Variants in UBE2R2 observed in about 807,000 individuals in gnomAD.
The protein encoded by UBE2R2 is ubiquitin-conjugating enzyme E2 R2.
In UBE2R2, 1 loss-of-function variant was observed where a neutral mutation model predicts 27.8. That is an observed-to-expected ratio of 0.04 (90% CI 0.01 to 0.17). UBE2R2 has a LOEUF of 0.17. Ranked by LOEUF, UBE2R2 falls within the 10% of genes least tolerant of loss-of-function variation. UBE2R2 has a pLI of 1.00. For synonymous variants in UBE2R2, 106 were observed against 113.3 expected (o/e 0.94, Z 0.41); for missense variants, 100 against 291.0 (o/e 0.34, Z 4.78).
At chr9:33,879,953 A>AC in intron 1 of UBE2R2, among the ~76,000 whole-genome samples, 1 of 151,062 alleles carries the variant, frequency 6.6e-6, no homozygotes, top group African/African-American at 2.4e-5. Context: ...CAAGGTTATG[A>AC]TTCACTGCAG....
chr9:33,866,244 T>C (rs1372741339), intron 1 of UBE2R2, among the ~76,000 whole-genome samples: 1 of 147,912 alleles, frequency 6.8e-6, no homozygotes, highest in Non-Finnish European at 1.5e-5. Flanking sequence ...GTAATTAACT[T>C]TTTTTTTTTT....
intron 1 of UBE2R2, among the ~76,000 whole-genome samples, chr9:33,865,616 G>A (rs762145449): frequency 1.1e-4 from 16 of 152,054 alleles, no homozygotes; most frequent in Non-Finnish European, 1.5e-4. Flanking sequence ...TCCCATAAAC[G>A]TATTCATTAG....
At chr9:33,856,167 G>A (rs1030977197) in intron 1 of UBE2R2, among the ~76,000 whole-genome samples, 1 of 152,124 alleles carries the variant, frequency 6.6e-6, no homozygotes, top group Admixed American at 6.6e-5. Context: ...AAATGGGTGA[G>A]AACCAAGGAC....
intron 1 of UBE2R2, among the ~76,000 whole-genome samples, chr9:33,820,807 C>A: frequency 6.6e-6 from 1 of 152,208 alleles, no homozygotes; most frequent in South Asian, 2.1e-4. Context: ...AGGTTTCTAA[C>A]TGATCTTTTT....
At chr9:33,865,740 CT>C (rs756033295) in intron 1 of UBE2R2, among the ~76,000 whole-genome samples, 35 of 151,872 alleles carry the variant, frequency 2.3e-4, no homozygotes, top group Non-Finnish European at 4.1e-4. Flanking sequence ...CCATTATTAC[CT>C]TTTCTTTCAC....
intron 1 of UBE2R2, among the ~76,000 whole-genome samples, chr9:33,877,879 CT>C (rs1419240581): frequency 1.3e-5 from 2 of 151,462 alleles, no homozygotes; most frequent in Non-Finnish European, 2.9e-5. Flanking sequence ...CCTCAGCCTC[CT>C]GAATAGCTGG....
chr9:33,858,378 T>C (rs1821153733), intron 1 of UBE2R2, among the ~76,000 whole-genome samples: 1 of 152,112 alleles, frequency 6.6e-6, no homozygotes, highest in African/African-American at 2.4e-5. Flanking sequence ...AAGCACTTGG[T>C]TCTTTGAATA....
At chr9:33,916,289 C>T (rs1215441111) in intron 4 of UBE2R2, among the ~76,000 whole-genome samples, 2 of 152,004 alleles carry the variant, frequency 1.3e-5, no homozygotes, top group Non-Finnish European at 2.9e-5. Flanking sequence ...TGCAGTGGGC[C>T]GAGATCACGC....
chr9:33,866,160 A>C (rs1821358234), intron 1 of UBE2R2, among the ~76,000 whole-genome samples: 1 of 151,970 alleles, frequency 6.6e-6, no homozygotes, highest in Non-Finnish European at 1.5e-5. Context: ...TGTGCTTATC[A>C]GTAATTCATC....
intron 1 of UBE2R2, among the ~76,000 whole-genome samples, chr9:33,850,757 GACTT>G (rs1231980580): frequency 6.6e-6 from 1 of 152,132 alleles, no homozygotes; most frequent in Non-Finnish European, 1.5e-5. Flanking sequence ...TGTGGTGTAA[GACTT>G]ACAATAAGGA....
At chr9:33,884,962 G>A (rs1209303832) in intron 1 of UBE2R2, among the ~76,000 whole-genome samples, 1 of 151,644 alleles carries the variant, frequency 6.6e-6, no homozygotes, top group Non-Finnish European at 1.5e-5. Context: ...ATATAATGTC[G>A]ATATTATTGT....
chr9:33,832,183 C>G (rs1209765287), intron 1 of UBE2R2, among the ~76,000 whole-genome samples: 1 of 151,502 alleles, frequency 6.6e-6, no homozygotes, highest in African/African-American at 2.4e-5. Context: ...TGGTGCGTGC[C>G]TGTAATCCCA....
intron 1 of UBE2R2, among the ~76,000 whole-genome samples, chr9:33,877,118 A>T (rs72617335): frequency 0.21 from 30,941 of 147,678 alleles, 3,810 homozygotes; most frequent in East Asian, 0.58. Context: ...ACTCCATCTT[A>T]AAAAAAAAAA....
intron 3 of UBE2R2, among the ~76,000 whole-genome samples, chr9:33,901,337 C>T (rs1262145830): frequency 6.6e-6 from 1 of 151,990 alleles, no homozygotes; most frequent in Non-Finnish European, 1.5e-5. Flanking sequence ...GTGGCTTATC[C>T]CTGTTGATGG....
At chr9:33,883,899 C>T (rs1821791193) in intron 1 of UBE2R2, among the ~76,000 whole-genome samples, 1 of 150,190 alleles carries the variant, frequency 6.7e-6, no homozygotes. Flanking sequence ...TGGTGGCTCA[C>T]ATCTGTAAAT....
At chr9:33,912,183 C>G (rs1238190489) in intron 4 of UBE2R2, 85 bp downstream of exon 4, 4 of 1,165,556 alleles carry the variant, frequency 3.4e-6, no homozygotes, top group East Asian at 2.5e-5. Flanking sequence ...CTTAAATATC[C>G]TGTCCATTCC....
At chr9:33,843,493 T>C (rs1389296659) in intron 1 of UBE2R2, among the ~76,000 whole-genome samples, 2 of 152,088 alleles carry the variant, frequency 1.3e-5, no homozygotes, top group Non-Finnish European at 2.9e-5. Context: ...TTGTTTTTTT[T>C]TTTGAGATGG....
At position 33,817,218 on chromosome 9, in the gene UBE2R2, C is replaced by T. The variant is rs1825802583; in HGVS notation, c.-540C>T. 1.3e-5 allele frequency among the ~76,000 whole-genome samples: 2 copies of T among 150,446 alleles called. No homozygotes were observed. Among genetic ancestry groups the T allele is most frequent in the South Asian group, 2.1e-4 (1 of 4,736 alleles). ...CGCTCTCGCTCTCCTCCTCCTCCGC[C>T]GTCGCCCCTCCCCCCGCGCAGCCCC... On this transcript the variant is annotated 5_prime_UTR_variant, in exon 1 of 5. Transcript: ENST00000263228.
chr9:33,829,117 C>G (rs1820383633), intron 1 of UBE2R2, among the ~76,000 whole-genome samples: 1 of 152,150 alleles, frequency 6.6e-6, no homozygotes. Flanking sequence ...ATCTGCCCAC[C>G]TTGGCTTCCC....
Sources: gnomAD v4.1 joint callset for allele counts (sites outside exome capture counted in the v4.1 genomes callset) on GRCh38, gnomAD v4.1.1 for gene constraint, MANE v1.5 for transcripts, NCBI Gene and HGNC (gene_info 2026-07-23, HGNC 2026-07-21) for gene names.